Variants in DNAH9 observed in about 807,000 individuals in gnomAD.
DNAH9 encodes DNAH9 variant protein.
A neutral mutation model predicts 471.6 loss-of-function variants in DNAH9; 345 were observed. The observed-to-expected ratio is 0.73, with a 90% CI of 0.67 to 0.80. DNAH9 has a LOEUF of 0.80. Among genes scored for constraint, DNAH9 ranks in the 30% least tolerant of loss-of-function variants. The pLI is 0.00. For missense variants in DNAH9, 5,407 were observed against 5,609.2 expected, an observed-to-expected ratio of 0.96 and a Z score of 1.15; for synonymous variants, 2,093 against 2,123.6, an observed-to-expected ratio of 0.99 and a Z score of 0.40.
At chr17:11,922,771 G>A (rs530395089) in intron 61 of DNAH9, among the ~76,000 whole-genome samples, 2 of 152,302 alleles carry the variant, frequency 1.3e-5, no homozygotes, top group Admixed American at 1.3e-4. Context: ...ATAAAGTACA[G>A]GAAGCCAGAA....
chr17:11,911,315 A>G (rs12453581), intron 61 of DNAH9, among the ~76,000 whole-genome samples: 27,269 of 152,210 alleles, frequency 0.18, 2,690 homozygotes, highest in African/African-American at 0.26. Context: ...AAATGATGTT[A>G]GAACCCTTGT....
intron 41 of DNAH9, among the ~76,000 whole-genome samples, chr17:11,790,985 T>C (rs975065975): frequency 1.3e-5 from 2 of 152,192 alleles, no homozygotes; most frequent in Admixed American, 6.5e-5. Flanking sequence ...CTCACTGATA[T>C]CTGTGTTTTA....
At chr17:11,917,904 A>G (rs1445772304) in intron 61 of DNAH9, among the ~76,000 whole-genome samples, 1 of 151,586 alleles carries the variant, frequency 6.6e-6, no homozygotes, top group East Asian at 1.9e-4. Flanking sequence ...TCTTTCTTTC[A>G]CTTGTCTGCA....
intron 50 of DNAH9, among the ~76,000 whole-genome samples, chr17:11,861,041 T>TC (rs1555610958): frequency 6.6e-6 from 1 of 151,458 alleles, no homozygotes; most frequent in Non-Finnish European, 1.5e-5. Flanking sequence ...TTTTTTTTTT[T>TC]ATACTTTAAG....
At chr17:11,641,220 C>A (rs1458795054) in intron 10 of DNAH9, among the ~76,000 whole-genome samples, 3 of 151,984 alleles carry the variant, frequency 2.0e-5, no homozygotes. Context: ...AATGGATGGC[C>A]AGGATGGGGT....
At chr17:11,665,266 T>C (rs2073847710) in intron 15 of DNAH9, among the ~76,000 whole-genome samples, 1 of 152,188 alleles carries the variant, frequency 6.6e-6, no homozygotes, top group Admixed American at 6.5e-5. Context: ...AGTGACCACG[T>C]TAAGAAGCAG....
intron 59 of DNAH9, among the ~76,000 whole-genome samples, chr17:11,900,994 A>T (rs753798517): frequency 6.6e-6 from 1 of 152,228 alleles, no homozygotes. Flanking sequence ...TGCTACATAC[A>T]TACTAAGAGG....
At chr17:11,862,257 C>T (rs1971876107) in intron 50 of DNAH9, among the ~76,000 whole-genome samples, 1 of 126,488 alleles carries the variant, frequency 7.9e-6, no homozygotes. Context: ...GTTTTCCCAG[C>T]ACCATTTATT....
At chr17:11,731,545 C>T (rs889493693) in intron 28 of DNAH9, among the ~76,000 whole-genome samples, 2 of 110,442 alleles carry the variant, frequency 1.8e-5, no homozygotes, top group African/African-American at 6.6e-5. Flanking sequence ...GCTATCCCTC[C>T]CCCCTCCCCC....
intron 19 of DNAH9, among the ~76,000 whole-genome samples, chr17:11,688,967 G>A (rs1363042190): frequency 1.3e-5 from 2 of 152,016 alleles, no homozygotes; most frequent in East Asian, 1.9e-4. Context: ...ATGGTGGCAG[G>A]TGTCTGTATT....
rs776640624 is a variant in DNAH9 at position 11,689,969 on chromosome 17, G to A, written c.4147G>A (p.Glu1383Lys). 1.2e-6 allele frequency: 2 copies of A among 1,613,838 alleles called. No individual in the cohort carries two copies. The highest frequency in any genetic ancestry group is 2.2e-5 in the South Asian group (2 of 91,016). Residue 1383 changes from glutamate (E) to lysine (K), a missense_variant, in exon 20 of 69, where the codon GAG becomes AAG. Physicochemically the swap from Glu to Lys is moderately conservative, Grantham distance 56. Around this residue, in one of 3 missense-constraint regions of DNAH9, gnomAD observed 4,636 missense variants for 4,900.3 expected, o/e 0.95. Coordinates refer to ENST00000262442, the MANE Select transcript of DNAH9 (RefSeq NM_001372.4). ...VAELQNPAIRERHWRQLMQAT... is the reference protein window; with the variant it reads ...VAELQNPAIRKRHWRQLMQAT... ...TGAGCTGCAGAATCCAGCCATCCGG[G>A]AGCGGCACTGGAGGCAGCTGATGCA...
intron 26 of DNAH9, among the ~76,000 whole-genome samples, chr17:11,715,084 C>G (rs113206524): frequency 6.6e-6 from 1 of 152,336 alleles, no homozygotes; most frequent in African/African-American, 2.4e-5. Flanking sequence ...TACAAGCCAA[C>G]TATGACTCCA....
In DNAH9 at chr17:11,619,603, A is replaced by G; in HGVS notation, c.1172A>G (p.Gln391Arg). The G allele has an allele frequency of 6.2e-7, 1 of 1,614,204 alleles. No individual in the cohort carries two copies. The change falls in exon 6 of 69, where the codon CAG (glutamine) becomes CGG (arginine). Residue 391 changes from glutamine (Q) to arginine (R), a missense_variant. Physicochemically the swap from Gln to Arg is conservative, Grantham distance 43. This residue lies in a region of DNAH9 where 767 missense variants were observed against 692.5 expected (regional missense o/e 1.11). Transcript: ENST00000262442. The part of the protein sequence containing the change: ...DLLRSEVEES[Q>R]RKLQVVSDTL... ...CTGAGAAGTGAGGTAGAAGAAAGTC[A>G]GAGAAAACTGCAAGTGGTCTCAGAC...
chr17:11,732,191 T>C (rs955215845), intron 28 of DNAH9, among the ~76,000 whole-genome samples: 4 of 152,192 alleles, frequency 2.6e-5, no homozygotes, highest in Non-Finnish European at 4.4e-5. Flanking sequence ...CAGCAATGCA[T>C]TCTCTAAGAT....
intron 41 of DNAH9, among the ~76,000 whole-genome samples, chr17:11,788,505 A>G (rs1267526410): frequency 1.3e-5 from 2 of 152,160 alleles, no homozygotes; most frequent in African/African-American, 4.8e-5. Flanking sequence ...CCTTCCATTC[A>G]TGCTTTCCTG....
chr17:11,745,117 A>C (rs761879239), intron 31 of DNAH9, 33 bp downstream of exon 31: 3 of 1,570,286 alleles, frequency 1.9e-6, no homozygotes, highest in Non-Finnish European at 2.6e-6. Context: ...GGATTTCTCT[A>C]TCTCTTACTT....
Position 11,664,865 on chromosome 17 carries a change from C to T in DNAH9, c.2628C>T (p.Thr876=). The change falls in exon 15 of 69, where the codon ACC becomes ACT. Residue 876 remains threonine (T), a synonymous_variant. Coordinates refer to ENST00000262442, the MANE Select transcript of DNAH9 (RefSeq NM_001372.4). The stretch of plus-strand genomic sequence containing the variant: ...TGGGTCTATTTTCAGCAGACCCAAC[C>T]TCCAATATCTGGAAGACTTATGTTA... The part of the protein sequence containing the change: ...ENLGLFSADP[T]SNIWKTYVNS... The T allele has an allele frequency of 6.2e-7, 1 of 1,613,154 alleles. No homozygotes were observed. The highest frequency in any genetic ancestry group is 8.5e-7 in the Non-Finnish European group (1 of 1,179,192).
Position 11,690,172 on chromosome 17 carries a change from G to A in DNAH9, c.4350G>A (p.Gln1450=), listed in dbSNP as rs1024274999. ...LQTTWAGMEF[Q]YEPHPRTNVP... ...CTACCTGGGCTGGCATGGAATTCCA[G>A]TATGAGCCCCACCCACGGACCAATG... The change falls in exon 20 of 69, where the codon CAG becomes CAA. Residue 1450 remains glutamine (Q), a synonymous_variant. Coordinates refer to ENST00000262442, the MANE Select transcript of DNAH9 (RefSeq NM_001372.4). 1.9e-6 allele frequency: 3 copies of A among 1,614,220 alleles called. No homozygotes were observed. Among genetic ancestry groups the A allele is most frequent in the Non-Finnish European group, 2.5e-6 (3 of 1,180,040 alleles).
chr17:11,933,134 C>G (rs1198933977), intron 64 of DNAH9, among the ~76,000 whole-genome samples: 1 of 152,122 alleles, frequency 6.6e-6, no homozygotes, highest in Non-Finnish European at 1.5e-5. Flanking sequence ...AACTTGTGGG[C>G]TTTGTTTATT....
Sources: allele counts gnomAD v4.1 joint callset (sites outside exome capture counted in the v4.1 genomes callset), GRCh38; gene constraint gnomAD v4.1.1; regional missense constraint gnomAD v4.1.1; transcripts MANE v1.5; gene names NCBI Gene and HGNC (gene_info 2026-07-23, HGNC 2026-07-21).